Variants in UTRN observed in about 807,000 individuals in gnomAD.
UTRN encodes the protein dystrophin-related protein 1.
In UTRN, 283 loss-of-function variants were observed where a neutral mutation model predicts 463.9. The observed-to-expected ratio is 0.61, with a 90% CI of 0.55 to 0.67. The LOEUF is 0.67. UTRN is among the 30% of genes least tolerant of loss of function. The pLI is 0.00. For synonymous variants in UTRN, 1,442 were observed against 1,431.5 expected, an observed-to-expected ratio of 1.01 and a Z score of -0.17; for missense variants, 3,922 against 4,084.3, an observed-to-expected ratio of 0.96 and a Z score of 1.08.
At chr6:144,569,277 TATG>T (rs1429747630) in intron 50 of UTRN, among the ~76,000 whole-genome samples, 3 of 152,110 alleles carry the variant, frequency 2.0e-5, no homozygotes, top group Non-Finnish European at 2.9e-5. Flanking sequence ...ATTATAATAA[TATG>T]AAGACAATTT....
intron 1 of UTRN, among the ~76,000 whole-genome samples, chr6:144,288,293 T>C (rs1803880220): frequency 1.3e-5 from 2 of 152,240 alleles, no homozygotes; most frequent in Non-Finnish European, 2.9e-5. Flanking sequence ...TGAAACATTA[T>C]AGTGAAGAAG....
At chr6:144,345,072 A>T (rs184056603) in intron 2 of UTRN, among the ~76,000 whole-genome samples, 6 of 152,334 alleles carry the variant, frequency 3.9e-5, no homozygotes, top group African/African-American at 1.4e-4. Flanking sequence ...GTCACTATGA[A>T]AAAACTTTGA....
At chr6:144,722,143 T>A (rs1586213161) in intron 53 of UTRN, among the ~76,000 whole-genome samples, 1 of 152,286 alleles carries the variant, frequency 6.6e-6, no homozygotes, top group South Asian at 2.1e-4. Context: ...CTAACTTCCT[T>A]GATAGAAAAC....
At chr6:144,530,935 T>A in intron 41 of UTRN, 117 bp from the exon 42 acceptor site, 1 of 1,171,002 alleles carries the variant, frequency 8.5e-7, no homozygotes, top group Non-Finnish European at 1.2e-6. Flanking sequence ...AGGCTGTGAA[T>A]TCAGTTGTTT....
chr6:144,737,698 T>C (rs1242088571), intron 54 of UTRN, among the ~76,000 whole-genome samples: 2 of 152,236 alleles, frequency 1.3e-5, no homozygotes, highest in African/African-American at 2.4e-5. Context: ...TCTGAATCCT[T>C]GTAGAAATTT....
At chr6:144,506,820 G>T (rs1485468225) in intron 34 of UTRN, among the ~76,000 whole-genome samples, 3 of 152,126 alleles carry the variant, frequency 2.0e-5, no homozygotes, top group Non-Finnish European at 4.4e-5. Flanking sequence ...GTCTTGCTAG[G>T]TTCGGGGAGT....
rs139612275 is a variant in UTRN at position 144,438,775 on chromosome 6, G to A, written c.1272G>A (p.Lys424=). Residue 424 remains lysine, a synonymous_variant, in exon 12 of 75, where the codon AAG becomes AAA. Coordinates refer to ENST00000367545, the MANE Select transcript of UTRN (RefSeq NM_007124.3). ...RLHDVLMELQ[K]KQLQQLSAWL... is the part of the protein sequence containing the mutation. ...ACGATGTGCTGATGGAACTGCAGAA[G>A]AAGCAACTGCAGCAGCTCTCCGCCT... is the stretch of plus-strand genomic sequence containing the variant. 6.2e-6 allele frequency: 10 copies of A among 1,614,114 alleles called. No individual in the cohort carries two copies. In the African/African-American group the frequency reaches 1.2e-4, roughly 19 times the overall value.
chr6:144,686,048 TA>T (rs1289812190), intron 52 of UTRN, among the ~76,000 whole-genome samples: 1 of 152,212 alleles, frequency 6.6e-6, no homozygotes, highest in African/African-American at 2.4e-5. Context: ...TTTAAGTCTT[TA>T]ATCCATGTTG....
At chr6:144,434,737 A>G (rs553956910) in intron 9 of UTRN, among the ~76,000 whole-genome samples, 82 of 152,156 alleles carry the variant, frequency 5.4e-4, no homozygotes, top group Non-Finnish European at 8.5e-4. Flanking sequence ...GAGGAGATTC[A>G]TTACTTATGA....
chr6:144,742,368 T>C (rs1018545012), intron 54 of UTRN, among the ~76,000 whole-genome samples: 1 of 152,210 alleles, frequency 6.6e-6, no homozygotes, highest in African/African-American at 2.4e-5. Context: ...TCTCAAACAC[T>C]GATTGAACAT....
At chr6:144,448,850 A>G in intron 17 of UTRN, 81 bp downstream of exon 17, 1 of 1,456,320 alleles carries the variant, frequency 6.9e-7, no homozygotes, top group Non-Finnish European at 9.3e-7. Flanking sequence ...TGTACTAATC[A>G]TTAATCATAG....
intron 2 of UTRN, among the ~76,000 whole-genome samples, chr6:144,330,163 G>A (rs903556358): frequency 2.0e-5 from 3 of 152,188 alleles, no homozygotes; most frequent in African/African-American, 7.2e-5. Flanking sequence ...GGTGGTGGAG[G>A]GCACTGGCTG....
chr6:144,561,039 A>T (rs1799816908), intron 50 of UTRN, among the ~76,000 whole-genome samples: 1 of 150,654 alleles, frequency 6.6e-6, no homozygotes, highest in African/African-American at 2.4e-5. Context: ...TTTACTTATC[A>T]CTTTTTTTCC....
chr6:144,306,297 T>A (rs962713619), intron 2 of UTRN, among the ~76,000 whole-genome samples: 1 of 152,046 alleles, frequency 6.6e-6, no homozygotes, highest in Non-Finnish European at 1.5e-5. Context: ...GTGGGGTGTG[T>A]GCTGGATGAG....
At chr6:144,823,939 A>ATAAG (rs1779808815) in intron 66 of UTRN, among the ~76,000 whole-genome samples, 1 of 152,204 alleles carries the variant, frequency 6.6e-6, no homozygotes, top group Non-Finnish European at 1.5e-5. Context: ...CAAATACACT[A>ATAAG]TAAGTTTAAC....
At position 144,479,990 on chromosome 6, in the gene UTRN, G is replaced by A. The variant is rs547093487; in HGVS notation, c.3507+8G>A. 195 of 1,612,258 alleles carry A rather than the reference G, an allele frequency of 1.2e-4. No individual in the cohort carries two copies. Among genetic ancestry groups the A allele is most frequent in the Non-Finnish European group, 1.6e-4 (185 of 1,179,330 alleles). The stretch of plus-strand genomic sequence containing the variant: ...GCTGTGGAAGAGATGAAGGTGAGGC[G>A]GGGACGACCAGTGCCAACAGGCTTC... On this transcript the variant is annotated splice_region_variant and intron_variant, in intron 26 of 74. Transcript: ENST00000367545.
chr6:144,680,328 G>A (rs1222625421), intron 52 of UTRN, among the ~76,000 whole-genome samples: 1 of 152,046 alleles, frequency 6.6e-6, no homozygotes, highest in East Asian at 1.9e-4. Context: ...AGCCTATCAT[G>A]ACACATTTTT....
At chr6:144,813,146 TTTG>T (rs1562941163) in intron 65 of UTRN, among the ~76,000 whole-genome samples, 1 of 151,796 alleles carries the variant, frequency 6.6e-6, no homozygotes, top group Non-Finnish European at 1.5e-5. Context: ...TCAGAGTTTT[TTTG>T]TTGTTGTTGT....
At chr6:144,333,640 T>C (rs1167613286) in intron 2 of UTRN, among the ~76,000 whole-genome samples, 1 of 152,244 alleles carries the variant, frequency 6.6e-6, no homozygotes, top group Non-Finnish European at 1.5e-5. Context: ...ATTCCCTGCA[T>C]AGATCACCCA....
Sources: gnomAD v4.1 joint callset for allele counts (sites outside exome capture counted in the v4.1 genomes callset) on GRCh38, gnomAD v4.1.1 for gene constraint, MANE v1.5 for transcripts, NCBI Gene and HGNC (gene_info 2026-07-23, HGNC 2026-07-21) for gene names.